Variants in ELN observed in about 807,000 individuals in gnomAD.
ELN encodes tropoelastin.
A neutral mutation model predicts 105.8 loss-of-function variants in ELN; 65 were observed. That is an observed-to-expected ratio of 0.61 (90% CI 0.50 to 0.75). ELN has a LOEUF of 0.75. Among genes scored for constraint, ELN ranks in the 30% least tolerant of loss-of-function variants. The pLI is 0.00. For synonymous variants in ELN, 368 were observed against 389.2 expected (o/e 0.95, Z 0.64); for missense variants, 882 against 969.4 (o/e 0.91, Z 1.20).
intron 29 of ELN, among the ~76,000 whole-genome samples, chr7:74,064,495 A>G (rs978340851): frequency 1.7e-4 from 25 of 151,268 alleles, no homozygotes; most frequent in Admixed American, 5.3e-4. Context: ...ACACGCCTGT[A>G]ATCCCAGCTA....
chr7:74,047,416 G>T (rs1376587166), intron 12 of ELN, among the ~76,000 whole-genome samples: 6 of 152,216 alleles, frequency 3.9e-5, no homozygotes, highest in African/African-American at 1.4e-4. Context: ...ACTGAGGAGG[G>T]GGTGTAAGGA....
rs2229427 is a variant in ELN, at chr7:74,056,312, G to T, written c.1192G>T (p.Gly398Trp). The change falls in exon 20 of 33, where the codon GGG (glycine) becomes TGG (tryptophan). Residue 398 changes from glycine (G) to tryptophan (W), a missense_variant. Physicochemically the swap from Gly to Trp is radical, Grantham distance 184. Coordinates refer to ENST00000252034, the MANE Select transcript of ELN (RefSeq NM_000501.4). ...GVGVGGIPTY[G>W]VGAGGFPGFG... ...CGGAGTTGGAGGCATTCCTACTTAC[G>T]GGGTTGGAGCTGGGGGCTTTCCCGG... The T allele has an allele frequency of 6.2e-7, 1 of 1,612,656 alleles. No individual in the cohort carries two copies. The highest frequency in any genetic ancestry group is 1.3e-5 in the African/African-American group (1 of 74,880).
At chr7:74,054,393 C>G (rs571718717) in intron 18 of ELN, among the ~76,000 whole-genome samples, 17 of 150,960 alleles carry the variant, frequency 1.1e-4, no homozygotes, top group African/African-American at 4.1e-4. Context: ...GTGCTTGAAC[C>G]GGGGAGGCGG....
intron 1 of ELN, among the ~76,000 whole-genome samples, chr7:74,032,390 C>A (rs890495677): frequency 6.7e-6 from 1 of 149,668 alleles, no homozygotes; most frequent in Non-Finnish European, 1.5e-5. Context: ...GCAGGAGAAA[C>A]GGCTTGTGCC....
rs1328379070 is a variant in ELN at position 74,047,688 on chromosome 7, G to T, written c.657G>T (p.Leu219=). ...KAPKLPGGYG[L]PYTTGKLPYG... is the part of the protein sequence containing the mutation. ...TCCTCTCTCCAGGTGGCTATGGACT[G>T]CCCTACACCACAGGGAAACTGCCCT... The change falls in exon 13 of 33, where the codon CTG becomes CTT. Residue 219 remains leucine, a synonymous_variant. Transcript: ENST00000252034. 6.2e-7 allele frequency: 1 copy of T among 1,614,176 alleles called. No individual in the cohort carries two copies. Among genetic ancestry groups the T allele is most frequent in the South Asian group, 1.1e-5 (1 of 91,086 alleles).
At chr7:74,051,726 A>G (rs1473518135) in intron 15 of ELN, 24 bp from the exon 16 acceptor site, 3 of 1,613,772 alleles carry the variant, frequency 1.9e-6, no homozygotes, top group Non-Finnish European at 2.5e-6. Context: ...GGGAAACTAC[A>G]TTGCACTGTC....
Position 74,068,769 on chromosome 7 carries a change from CT to C in ELN, c.*72del. The C allele has an allele frequency of 1.9e-6, 3 of 1,585,994 alleles. No homozygotes were observed. The highest frequency in any genetic ancestry group is 8.7e-7 in the Non-Finnish European group (1 of 1,154,692). On this transcript the variant is annotated 3_prime_UTR_variant, in exon 33 of 33. Transcript: ENST00000252034. ...TACTGCTTGGTGGAGAATGTAAACC[CT>C]TTGTAACCCCATCCCATGCCCCTCC...
intron 11 of ELN, 114 bp downstream of exon 11, chr7:74,046,331 G>T: frequency 6.9e-7 from 1 of 1,458,328 alleles, no homozygotes; most frequent in Non-Finnish European, 9.5e-7. Flanking sequence ...TCCCACGCCT[G>T]CAGAGCCAGG....
intron 32 of ELN, among the ~76,000 whole-genome samples, chr7:74,068,427 C>T (rs531054651): frequency 6.6e-6 from 1 of 152,334 alleles, no homozygotes; most frequent in East Asian, 1.9e-4. Context: ...TGACCTGCCC[C>T]CTTTTCTGCG....
chr7:74,044,595 T>C (rs1266795237), intron 9 of ELN, among the ~76,000 whole-genome samples: 1 of 152,088 alleles, frequency 6.6e-6, no homozygotes, highest in African/African-American at 2.4e-5. Flanking sequence ...CCTAAAGAGC[T>C]GCCCCTCACC....
chr7:74,068,708 A>T lies in ELN; in HGVS notation c.*8A>T. The T allele has an allele frequency of 6.2e-7, 1 of 1,613,964 alleles. No individual in the cohort carries two copies. The highest frequency in any genetic ancestry group is 1.1e-5 in the South Asian group (1 of 91,088). On this transcript the variant is annotated 3_prime_UTR_variant, in exon 33 of 33. Transcript: ENST00000252034. The stretch of plus-strand genomic sequence containing the variant: ...GGCCGGAAGAGAAAATGAGCTTCCT[A>T]GGACCCCTGACTCACGACCTCATCA...
chr7:74,046,051 C>G lies in ELN; in HGVS notation c.542-137C>G, dbSNP rs567698342. The G allele has an allele frequency of 2.4e-6, 3 of 1,242,056 alleles. No individual in the cohort carries two copies. In the African/African-American group the frequency reaches 4.4e-5, roughly 18 times the overall value. 76.9% of individuals were successfully genotyped at this position (1,242,056 alleles called of 1,614,324 possible). A position where few individuals can be genotyped will look rare whatever the true frequency, so the allele number is the denominator to read the frequency against. On this transcript the variant is annotated intron_variant, in intron 10 of 32. Transcript: ENST00000252034. ...ACTCCATCTCCGAAAAAAGAAACCC[C>G]AGAGTTCATGTGAGCGCAGCATGCG...
chr7:74,045,331 C>A, intron 10 of ELN, 38 bp downstream of exon 10: 2 of 1,610,944 alleles, frequency 1.2e-6, no homozygotes, highest in East Asian at 2.2e-5. Context: ...ATGGCAGGGA[C>A]TCTCCAACCA....
Position 74,063,376 on chromosome 7 carries a change from A to C in ELN, c.1918+7A>C. ...GCCAAAGCCGCCCAGTTTGGTGAGC[A>C]CTGGGTGGAGGTGGGAGCTGCCGCC... On this transcript the variant is annotated splice_region_variant and intron_variant, in intron 28 of 32. Coordinates refer to ENST00000252034, the MANE Select transcript of ELN (RefSeq NM_000501.4). This position sits in a 1 kb window ranked among gnomAD's most constrained non-coding sequence, Gnocchi z 4.1. 1 of 1,545,544 alleles carries C rather than the reference A, an allele frequency of 6.5e-7. No individual in the cohort carries two copies. Among genetic ancestry groups the C allele is most frequent in the Non-Finnish European group, 8.7e-7 (1 of 1,147,426 alleles).
chr7:74,049,922 CAT>C (rs1793573267), intron 15 of ELN, among the ~76,000 whole-genome samples: 3 of 145,800 alleles, frequency 2.1e-5, no homozygotes, highest in Non-Finnish European at 4.5e-5. Context: ...TACATCAATC[CAT>C]ACATCAATCC....
chr7:74,037,250 G>A (rs184977562), intron 3 of ELN, among the ~76,000 whole-genome samples: 89 of 151,302 alleles, frequency 5.9e-4, no homozygotes, highest in African/African-American at 2.1e-3. Flanking sequence ...CTGGAGTGCA[G>A]TGGCGCGATC....
rs532209436 is a variant in ELN, at chr7:74,066,245, T to A, written c.2086+248T>A. Among the ~76,000 whole-genome samples, 3 of 152,292 alleles carry A rather than the reference T, an allele frequency of 2.0e-5. No homozygotes were observed. The South Asian group carries it at 6.2e-4, about 32-fold the overall frequency. ...CACCTGGTTGCTAGGTGGCGGCATGTTGTGTTGAGAAAGCCACTCTGGCTG... is the reference window on the plus strand; with the variant it reads ...CACCTGGTTGCTAGGTGGCGGCATGATGTGTTGAGAAAGCCACTCTGGCTG... On this transcript the variant is annotated intron_variant, in intron 31 of 32. Transcript: ENST00000252034.
At chr7:74,039,960 G>T (rs1027657332) in intron 4 of ELN, among the ~76,000 whole-genome samples, 3 of 152,198 alleles carry the variant, frequency 2.0e-5, no homozygotes, top group African/African-American at 7.2e-5. Context: ...TGGACTCCCA[G>T]CTGTGGTCAG....
chr7:74,038,803 C>A (rs1194087761), intron 4 of ELN, among the ~76,000 whole-genome samples: 1 of 152,226 alleles, frequency 6.6e-6, no homozygotes. Flanking sequence ...ATCTTCAAGA[C>A]CCAGATTCCC....
Sources: allele counts gnomAD v4.1 joint callset (sites outside exome capture counted in the v4.1 genomes callset), GRCh38; gene constraint gnomAD v4.1.1; non-coding constraint Gnocchi (gnomAD v3.1); transcripts MANE v1.5; gene names NCBI Gene and HGNC (gene_info 2026-07-23, HGNC 2026-07-21).